KLHDC3: variants seen among roughly 807,000 people sequenced by gnomAD.
KLHDC3 encodes the protein kelch domain containing 3.
A neutral mutation model predicts 44.1 loss-of-function variants in KLHDC3; 5 were observed. That is an observed-to-expected ratio of 0.11 (90% CI 0.06 to 0.24). The LOEUF (loss-of-function observed/expected upper bound fraction) is 0.24. Ranked by LOEUF, KLHDC3 falls within the 10% of genes least tolerant of loss-of-function variation. The pLI, the probability that KLHDC3 is intolerant of heterozygous loss-of-function variation, is 1.00. For missense variants in KLHDC3, 247 were observed against 514.3 expected, an observed-to-expected ratio of 0.48 and a Z score of 5.03; for synonymous variants, 170 against 189.0, an observed-to-expected ratio of 0.90 and a Z score of 0.82.
Position 43,020,793 on chromosome 6 carries a change from T to C in KLHDC3, c.*60T>C, listed in dbSNP as rs971214976. Reference sequence around the variant, plus strand: ...CTGTCATCTTCACTGCCCCTGCCCATCTGTCACCCACCTGCTCCTTTGACC... The same window carrying C: ...CTGTCATCTTCACTGCCCCTGCCCACCTGTCACCCACCTGCTCCTTTGACC... On this transcript the variant is annotated 3_prime_UTR_variant, in exon 11 of 11. Coordinates refer to ENST00000326974, the MANE Select transcript of KLHDC3 (RefSeq NM_057161.4). 7.6e-7 allele frequency: 1 copy of C among 1,319,294 alleles called. No homozygotes were observed. 81.7% of individuals were successfully genotyped at this position (1,319,294 alleles called of 1,614,324 possible).
At position 43,018,618 on chromosome 6, in the gene KLHDC3, C is replaced by G; in HGVS notation, c.734-15C>G. On this transcript the variant is annotated splice_polypyrimidine_tract_variant and intron_variant, in intron 6 of 10. Transcript: ENST00000326974. This position sits in a 1 kb window ranked among gnomAD's most constrained non-coding sequence, Gnocchi z 6.0. ...TGCCCTCTTCACACTCCTGACACTTCCTCTCTCCTTCCAGTTGGCTACAAT... is the reference window on the plus strand; with the variant it reads ...TGCCCTCTTCACACTCCTGACACTTGCTCTCTCCTTCCAGTTGGCTACAAT... The G allele has an allele frequency of 3.1e-6, 5 of 1,613,068 alleles. No individual in the cohort carries two copies. Among genetic ancestry groups the G allele is most frequent in the Non-Finnish European group, 4.2e-6 (5 of 1,179,106 alleles).
Position 43,017,047 on chromosome 6 carries a change from T to G in KLHDC3, c.-59-87T>G, listed in dbSNP as rs556527338. On this transcript the variant is annotated intron_variant, in intron 1 of 10. Coordinates refer to ENST00000326974, the MANE Select transcript of KLHDC3 (RefSeq NM_057161.4). This position sits in a 1 kb window ranked among gnomAD's most constrained non-coding sequence, Gnocchi z 6.0. ...GTGGGAGGGCCCCCAGGGTGACACT[T>G]GGAGGCAAAGGCTGGTTCTGGGCAG... 3 of 921,916 alleles carry G rather than the reference T, an allele frequency of 3.3e-6. No individual in the cohort carries two copies. Among genetic ancestry groups the G allele is most frequent in the East Asian group, 2.4e-5 (1 of 41,178 alleles). 57.1% of individuals were successfully genotyped at this position (921,916 alleles called of 1,614,324 possible).
chr6:43,020,798 C>A lies in KLHDC3; in HGVS notation c.*65C>A. On this transcript the variant is annotated 3_prime_UTR_variant, in exon 11 of 11. Coordinates refer to ENST00000326974, the MANE Select transcript of KLHDC3 (RefSeq NM_057161.4). ...ATCTTCACTGCCCCTGCCCATCTGT[C>A]ACCCACCTGCTCCTTTGACCCCTGG... 1 of 1,252,260 alleles carries A rather than the reference C, an allele frequency of 8.0e-7. No individual in the cohort carries two copies. The highest frequency in any genetic ancestry group is 1.2e-6 in the Non-Finnish European group (1 of 850,604). 77.6% of individuals were successfully genotyped at this position (1,252,260 alleles called of 1,614,324 possible).
chr6:43,017,552 A>T lies in KLHDC3; in HGVS notation c.188A>T (p.Lys63Met), dbSNP rs1422514124. 6.2e-7 allele frequency: 1 copy of T among 1,609,916 alleles called. No individual in the cohort carries two copies. Among genetic ancestry groups the T allele is most frequent in the South Asian group, 1.1e-5 (1 of 90,698 alleles). The stretch of plus-strand genomic sequence containing the variant: ...CGTTGGACAAAGCTGCCCCCGGTGA[A>T]GTCTGCCATCCGTGGGCAAGCTCCT... ...SLRWTKLPPV[K>M]SAIRGQAPVV... is the part of the protein sequence containing the mutation. Residue 63 changes from lysine to methionine, a missense_variant, in exon 3 of 11, where the codon AAG becomes ATG. Physicochemically the swap from Lys to Met is moderately conservative, Grantham distance 95. Coordinates refer to ENST00000326974, the MANE Select transcript of KLHDC3 (RefSeq NM_057161.4). The surrounding 1 kb of genome is among the most constrained non-coding windows in gnomAD (Gnocchi z 6.0).
At position 43,018,703 on chromosome 6, in the gene KLHDC3, C is replaced by T. The variant is rs997349812; in HGVS notation, c.804C>T (p.Leu268=). 3.7e-6 allele frequency: 6 copies of T among 1,613,336 alleles called. No individual in the cohort carries two copies. Among genetic ancestry groups the T allele is most frequent in the Non-Finnish European group, 5.1e-6 (6 of 1,179,502 alleles). Residue 268 remains leucine, a synonymous_variant, in exon 7 of 11, where the codon CTC becomes CTT. Coordinates refer to ENST00000326974, the MANE Select transcript of KLHDC3 (RefSeq NM_057161.4). This position sits in a 1 kb window ranked among gnomAD's most constrained non-coding sequence, Gnocchi z 6.0. ...GGCTGAACCGGCACTTCCATGACCT[C>T]TGGAAGTTTAATCCTGGTAAAGAGC... ...NARLNRHFHD[L]WKFNPVSFTW... is the part of the protein sequence containing the mutation.
intron 10 of KLHDC3, among the ~76,000 whole-genome samples, chr6:43,020,108 G>A (rs1297468224): frequency 2.0e-5 from 3 of 152,084 alleles, no homozygotes; most frequent in African/African-American, 4.8e-5. Flanking sequence ...CCCGGGAGGC[G>A]GGGGTTTCAG....
rs570970941 is a variant in KLHDC3 at position 43,020,381 on chromosome 6, A to G, written c.1083-286A>G. ...AAGGCAGGTTGGGATGTTGACTGACATGTATACACAGATCTCAGGTGCCTG... is the reference window on the plus strand; with the variant it reads ...AAGGCAGGTTGGGATGTTGACTGACGTGTATACACAGATCTCAGGTGCCTG... On this transcript the variant is annotated intron_variant, in intron 10 of 10. Transcript: ENST00000326974. 7.2e-4 allele frequency among the ~76,000 whole-genome samples: 110 copies of G among 152,336 alleles called. 2 individuals are homozygous for G. Among genetic ancestry groups the G allele is most frequent in the Admixed American group, 3.7e-3 (56 of 15,298 alleles).
Position 43,017,231 on chromosome 6 carries a change from C to T in KLHDC3, c.39C>T (p.Arg13=), listed in dbSNP as rs758906650. ...CAGTGCACCTGGAGGGCGGGCCCCGCAGGGTGAACCATGCTGCAGTGGCTG... is the reference window on the plus strand; with the variant it reads ...CAGTGCACCTGGAGGGCGGGCCCCGTAGGGTGAACCATGCTGCAGTGGCTG... ...RWTVHLEGGP[R]RVNHAAVAVG... The change falls in exon 2 of 11, where the codon CGC becomes CGT. Residue 13 remains arginine (R), a synonymous_variant. Coordinates refer to ENST00000326974, the MANE Select transcript of KLHDC3 (RefSeq NM_057161.4). The surrounding 1 kb of genome is among the most constrained non-coding windows in gnomAD (Gnocchi z 6.0). The T allele has an allele frequency of 9.9e-6, 16 of 1,614,098 alleles. No individual in the cohort carries two copies. The highest frequency in any genetic ancestry group is 1.4e-5 in the Non-Finnish European group (16 of 1,180,002).
Position 43,020,830 on chromosome 6 carries a change from T to C in KLHDC3, c.*97T>C. On this transcript the variant is annotated 3_prime_UTR_variant, in exon 11 of 11. Coordinates refer to ENST00000326974, the MANE Select transcript of KLHDC3 (RefSeq NM_057161.4). ...CTGCTCCTTTGACCCCTGGACTTGGTATACCTCCATGTGGAGTTGTTGGGC... is the reference window on the plus strand; with the variant it reads ...CTGCTCCTTTGACCCCTGGACTTGGCATACCTCCATGTGGAGTTGTTGGGC... The C allele has an allele frequency of 1.1e-6, 1 of 930,484 alleles. No homozygotes were observed. The highest frequency in any genetic ancestry group is 2.5e-5 in the East Asian group (1 of 40,740). The allele number at this position is 930,484 out of a possible 1,614,324, so 57.6% of individuals were successfully genotyped here. A position where few individuals can be genotyped will look rare whatever the true frequency, so the allele number is the denominator to read the frequency against.
Position 43,014,262 on chromosome 6 carries a change from G to C in KLHDC3, c.-146G>C. On this transcript the variant is annotated 5_prime_UTR_variant, in exon 1 of 11. Coordinates refer to ENST00000326974, the MANE Select transcript of KLHDC3 (RefSeq NM_057161.4). ...GAGCTTGGCTGTGTTTATCTCGTTG[G>C]GGACTAAGGCGTCGGTTGGCGCGCA... 2 of 921,622 alleles carry C rather than the reference G, an allele frequency of 2.2e-6. No homozygotes were observed. The highest frequency in any genetic ancestry group is 3.2e-6 in the Non-Finnish European group (2 of 634,376). The allele number at this position is 921,622 out of a possible 1,614,324, so 57.1% of individuals were successfully genotyped here. A position where few individuals can be genotyped will look rare whatever the true frequency, so the allele number is the denominator to read the frequency against.
rs114102219 is a variant in KLHDC3 at position 43,014,642 on chromosome 6, G to C, written c.-60+294G>C. ...ATGGAAGGGGAGGGGTGTCTGGCGT[G>C]GTGGGCTAGGGGAGGCCGGAATGTC... On this transcript the variant is annotated intron_variant, in intron 1 of 10. Transcript: ENST00000326974. The C allele has an allele frequency of 2.7e-3, 1,249 of 456,570 alleles. 10 individuals carry two copies. The highest frequency in any genetic ancestry group is 0.021 in the African/African-American group (1,075 of 50,172). 28.3% of individuals were successfully genotyped at this position (456,570 alleles called of 1,614,324 possible). A position where few individuals can be genotyped will look rare whatever the true frequency, so the allele number is the denominator to read the frequency against.
chr6:43,019,235 T>C, intron 9 of KLHDC3, 53 bp from the exon 10 acceptor site: 1 of 1,556,656 alleles, frequency 6.4e-7, no homozygotes, highest in Non-Finnish European at 8.9e-7. Flanking sequence ...TATCCAGGAC[T>C]GGATCCTTTC....
chr6:43,014,838 G>T (rs1762522720), intron 1 of KLHDC3, among the ~76,000 whole-genome samples: 1 of 152,146 alleles, frequency 6.6e-6, no homozygotes, highest in Non-Finnish European at 1.5e-5. Context: ...ATCAAGAAGG[G>T]CGAGAAATGG....
chr6:43,018,552 G>A lies in KLHDC3; in HGVS notation c.729G>A (p.Ser243=), dbSNP rs767246227. 1.5e-5 allele frequency: 24 copies of A among 1,613,730 alleles called. No individual in the cohort carries two copies. In the Admixed American group the frequency reaches 1.8e-4, roughly 12 times the overall value. Residue 243 remains serine, a synonymous_variant, in exon 6 of 11, where the codon TCG becomes TCA. Transcript: ENST00000326974. This position sits in a 1 kb window ranked among gnomAD's most constrained non-coding sequence, Gnocchi z 6.0. ...TGCCTGAGGGGCGCCGGAGCCACTC[G>A]GCCTGTGAGTGTTTGTTACTTCCCT... ...PVLPEGRRSH[S]AFGYNGELYI...
chr6:43,014,330 C>G lies in KLHDC3; in HGVS notation c.-78C>G. 1.6e-6 allele frequency: 1 copy of G among 623,794 alleles called. No individual in the cohort carries two copies. The highest frequency in any genetic ancestry group is 2.8e-5 in the East Asian group (1 of 36,116). The allele number at this position is 623,794 out of a possible 1,614,324, so 38.6% of individuals were successfully genotyped here. On this transcript the variant is annotated 5_prime_UTR_variant, in exon 1 of 11. Transcript: ENST00000326974. ...GGCAGCTCGAGGACCCGCGGCCCCG[C>G]CCCGGCTCGGCCTGGCAGGTAGCCT...
At chr6:43,015,801 C>CTGAG (rs1762555790) in intron 1 of KLHDC3, among the ~76,000 whole-genome samples, 1 of 142,230 alleles carries the variant, frequency 7.0e-6, no homozygotes, top group African/African-American at 2.7e-5. Context: ...TTGCAGTGAG[C>CTGAG]TGAGATTGCA....
intron 1 of KLHDC3, among the ~76,000 whole-genome samples, chr6:43,015,190 T>C (rs901153793): frequency 6.6e-6 from 1 of 152,012 alleles, no homozygotes; most frequent in African/African-American, 2.4e-5. Flanking sequence ...AGACCCAAGA[T>C]ATTTTGGAGA....
At chr6:43,020,312 G>A (rs1387263118) in intron 10 of KLHDC3, among the ~76,000 whole-genome samples, 1 of 152,136 alleles carries the variant, frequency 6.6e-6, no homozygotes, top group East Asian at 1.9e-4. Flanking sequence ...TCCTGGTGAG[G>A]GTAAGGTGGA....
Position 43,018,128 on chromosome 6 carries a change from T to C in KLHDC3, c.448-17T>C, listed in dbSNP as rs1762618463. ...ATTGGCTCCCTCTTTTCTTCCTCCT[T>C]TTCTCTTCCTACTCAGGCGGACTGT... On this transcript the variant is annotated splice_polypyrimidine_tract_variant and intron_variant, in intron 4 of 10. Coordinates refer to ENST00000326974, the MANE Select transcript of KLHDC3 (RefSeq NM_057161.4). The surrounding 1 kb of genome is among the most constrained non-coding windows in gnomAD (Gnocchi z 6.0). 1.9e-6 allele frequency: 3 copies of C among 1,590,408 alleles called. No homozygotes were observed. Among genetic ancestry groups the C allele is most frequent in the Non-Finnish European group, 2.6e-6 (3 of 1,158,732 alleles).
Sources: gnomAD v4.1 joint callset for allele counts (sites outside exome capture counted in the v4.1 genomes callset) on GRCh38, gnomAD v4.1.1 for gene constraint, Gnocchi (gnomAD v3.1) non-coding constraint, MANE v1.5 for transcripts, NCBI Gene and HGNC (gene_info 2026-07-23, HGNC 2026-07-21) for gene names.